The following SPIRE1 variants were observed in gnomAD, a reference collection of about 807,000 sequenced individuals.
The protein encoded by SPIRE1 is protein spire homolog 1.
A neutral mutation model predicts 94.1 loss-of-function variants in SPIRE1; 40 were observed. The ratio of observed to expected loss-of-function variants is 0.43; its 90% confidence interval spans 0.33 to 0.55. The LOEUF (loss-of-function observed/expected upper bound fraction) is 0.55, where lower values mean the gene tolerates loss of function less well. Among genes scored for constraint, SPIRE1 ranks in the 20% least tolerant of loss-of-function variants. The probability of loss-of-function intolerance (pLI) is 0.06; values close to 1 mark genes in which losing one functional copy is unlikely to be tolerated. For missense variants in SPIRE1, 838 were observed against 975.2 expected (o/e 0.86, Z 1.87); for synonymous variants, 376 against 371.7 (o/e 1.01, Z -0.13).
intron 2 of SPIRE1, among the ~76,000 whole-genome samples, chr18:12,566,261 G>A (rs1272330653): frequency 3.3e-5 from 5 of 152,074 alleles, no homozygotes; most frequent in Non-Finnish European, 5.9e-5. Context: ...GCTTGAACCC[G>A]GGAGGTGGAG....
chr18:12,633,213 T>C (rs1487037189), intron 2 of SPIRE1, among the ~76,000 whole-genome samples: 2 of 152,176 alleles, frequency 1.3e-5, no homozygotes, highest in Admixed American at 6.5e-5. Context: ...TGTTGAATAG[T>C]ATATCAAAAA....
At chr18:12,617,396 G>C (rs2037343134) in intron 2 of SPIRE1, among the ~76,000 whole-genome samples, 1 of 150,976 alleles carries the variant, frequency 6.6e-6, no homozygotes, top group Admixed American at 6.6e-5. Flanking sequence ...TTTGTTTTTT[G>C]TTTTAGTTGT....
At chr18:12,599,437 A>AT (rs1200832640) in intron 2 of SPIRE1, among the ~76,000 whole-genome samples, 1 of 151,976 alleles carries the variant, frequency 6.6e-6, no homozygotes, top group African/African-American at 2.4e-5. Flanking sequence ...ATTTAAAAAA[A>AT]TTTTTTTATA....
intron 2 of SPIRE1, among the ~76,000 whole-genome samples, chr18:12,603,731 C>A (rs528787829): frequency 6.6e-6 from 1 of 152,072 alleles, no homozygotes; most frequent in South Asian, 2.1e-4. Context: ...CCCGACACCA[C>A]GCCTGGCTAA....
intron 6 of SPIRE1, among the ~76,000 whole-genome samples, chr18:12,501,490 TCTCCTA>T (rs1449391684): frequency 6.6e-6 from 1 of 152,150 alleles, no homozygotes; most frequent in Non-Finnish European, 1.5e-5. Flanking sequence ...TTCAAGCAAT[TCTCCTA>T]CCTCAGCCTC....
intron 10 of SPIRE1, among the ~76,000 whole-genome samples, chr18:12,469,171 A>T (rs1214225846): frequency 6.6e-6 from 1 of 152,140 alleles, no homozygotes; most frequent in Admixed American, 6.6e-5. Context: ...AGGTGAATTT[A>T]AAGGTAACAT....
In SPIRE1 at chr18:12,450,175, C is replaced by T. The variant is rs569683909; in HGVS notation, c.2013-279G>A. Reference sequence around the variant, plus strand: ...AGATCACCTGAGGTCAGGAGTTTGGCGAAACCCAGTCTCTACTAAAAAAAA... The same window carrying T: ...AGATCACCTGAGGTCAGGAGTTTGGTGAAACCCAGTCTCTACTAAAAAAAA... On this transcript the variant is annotated intron_variant, in intron 16 of 16. Transcript: ENST00000409402. Among the ~76,000 whole-genome samples the T allele has an allele frequency of 2.1e-4, 31 of 146,076 alleles. No individual in the cohort carries two copies. The East Asian group carries it at 4.8e-3, about 23-fold the overall frequency.
At chr18:12,498,540 G>A (rs1387108626) in intron 6 of SPIRE1, among the ~76,000 whole-genome samples, 6 of 152,068 alleles carry the variant, frequency 3.9e-5, no homozygotes, top group Non-Finnish European at 2.9e-5. Context: ...GAGTCTGGGC[G>A]CCCGGCCCAA....
chr18:12,580,605 TG>T (rs1335307281), intron 2 of SPIRE1, among the ~76,000 whole-genome samples: 3 of 152,232 alleles, frequency 2.0e-5, no homozygotes, highest in Non-Finnish European at 2.9e-5. Context: ...ATTACAGGTG[TG>T]AGCCACTGTG....
At chr18:12,536,639 GT>G (rs1460018912) in intron 3 of SPIRE1, among the ~76,000 whole-genome samples, 2 of 152,136 alleles carry the variant, frequency 1.3e-5, no homozygotes, top group Non-Finnish European at 2.9e-5. Flanking sequence ...CAGCCCTAAT[GT>G]CCTTTACCAT....
chr18:12,470,551 A>G (rs2032314001), intron 10 of SPIRE1, among the ~76,000 whole-genome samples: 1 of 152,138 alleles, frequency 6.6e-6, no homozygotes, highest in African/African-American at 2.4e-5. Context: ...ATCTTGGGTA[A>G]CTTAGACACT....
At chr18:12,501,819 A>G (rs1219263445) in intron 6 of SPIRE1, among the ~76,000 whole-genome samples, 1 of 152,166 alleles carries the variant, frequency 6.6e-6, no homozygotes, top group African/African-American at 2.4e-5. Context: ...AGGAATTGCC[A>G]TATGTGGTGG....
At chr18:12,551,534 TACTAAAAATACAAAA>T (rs1185462986) in intron 2 of SPIRE1, among the ~76,000 whole-genome samples, 6 of 151,968 alleles carry the variant, frequency 3.9e-5, no homozygotes, top group Admixed American at 3.9e-4. Flanking sequence ...ACCCTGTGTC[TACTAAAAATACAAAA>T]ACAAAATTAG....
Position 12,510,938 on chromosome 18 carries a change from T to C in SPIRE1, c.807+1516A>G, listed in dbSNP as rs1424924148. On this transcript the variant is annotated intron_variant, in intron 5 of 16. Coordinates refer to ENST00000409402, the MANE Select transcript of SPIRE1 (RefSeq NM_001128626.2). ...AAGTTTTATATGACAGCAGGGATTT[T>C]TGGAGTCACTAGGATTTAGTACTAT... Among the ~76,000 whole-genome samples the C allele has an allele frequency of 2.0e-5, 3 of 152,178 alleles. No homozygotes were observed. The South Asian group carries it at 6.2e-4, about 32-fold the overall frequency.
chr18:12,452,491 G>C lies in SPIRE1; in HGVS notation c.1869C>G (p.Cys623Trp). The C allele has an allele frequency of 6.2e-7, 1 of 1,613,832 alleles. No individual in the cohort carries two copies. The highest frequency in any genetic ancestry group is 8.5e-7 in the Non-Finnish European group (1 of 1,180,006). Reference protein sequence around the residue: ...FCKRPVCSQCCKKMRLPSKPY... With the variant: ...FCKRPVCSQCWKKMRLPSKPY... ...TGAACCAAGCTTAGCTTACCTTTTT[G>C]CAACACTGTGAGCACACCGGCCTGT... Residue 623 changes from cysteine to tryptophan, a missense_variant, in exon 15 of 17, where the codon TGC (cysteine) becomes TGG (tryptophan). By Grantham distance (215) the Cys-to-Trp change is radical. Around this residue, in one of 2 missense-constraint regions of SPIRE1, gnomAD observed 645 missense variants for 804.7 expected, o/e 0.80. Coordinates refer to ENST00000409402, the MANE Select transcript of SPIRE1 (RefSeq NM_001128626.2).
At chr18:12,497,069 A>AAAC (rs998272558) in intron 6 of SPIRE1, among the ~76,000 whole-genome samples, 2 of 151,880 alleles carry the variant, frequency 1.3e-5, no homozygotes, top group African/African-American at 4.8e-5. Flanking sequence ...CTCTGTCGCA[A>AAAC]AACAACAACA....
Position 12,449,263 on chromosome 18 carries a change from C to T in SPIRE1, c.*375G>A, listed in dbSNP as rs1019314081. 1 of 238,972 alleles carries T rather than the reference C, an allele frequency of 4.2e-6. No individual in the cohort carries two copies. 14.8% of individuals were successfully genotyped at this position (238,972 alleles called of 1,614,324 possible). A position where few individuals can be genotyped will look rare whatever the true frequency, so the allele number is the denominator to read the frequency against. ...GACTTACTGCTTAGGGCTGTGCTGA[C>T]ATCGGCATCTCTGTTAGACTGATTC... On this transcript the variant is annotated 3_prime_UTR_variant, in exon 17 of 17. Coordinates refer to ENST00000409402, the MANE Select transcript of SPIRE1 (RefSeq NM_001128626.2).
chr18:12,448,504 G>A lies in SPIRE1; in HGVS notation c.*1134C>T, dbSNP rs542471480. The A allele has an allele frequency of 1.3e-5, 2 of 152,298 alleles. No homozygotes were observed. The highest frequency in any genetic ancestry group is 2.9e-5 in the Non-Finnish European group (2 of 68,020). 9.4% of individuals were successfully genotyped at this position (152,298 alleles called of 1,614,324 possible). A position where few individuals can be genotyped will look rare whatever the true frequency, so the allele number is the denominator to read the frequency against. Reference sequence around the variant, plus strand: ...CAATGCTACCCTCCAGTCTACTTTCGTCAGAAACCAAACCTACTCACTCAA... The same window carrying A: ...CAATGCTACCCTCCAGTCTACTTTCATCAGAAACCAAACCTACTCACTCAA... On this transcript the variant is annotated 3_prime_UTR_variant, in exon 17 of 17. Transcript: ENST00000409402. The surrounding 1 kb of genome is among the most constrained non-coding windows in gnomAD (Gnocchi z 4.4).
chr18:12,544,215 T>C (rs944855517), intron 3 of SPIRE1, among the ~76,000 whole-genome samples: 6 of 151,780 alleles, frequency 4.0e-5, no homozygotes, highest in African/African-American at 1.5e-4. Flanking sequence ...TTTTTCTTTT[T>C]TTGAGACAGA....
Sources: allele counts gnomAD v4.1 joint callset (sites outside exome capture counted in the v4.1 genomes callset), GRCh38; gene constraint gnomAD v4.1.1; regional missense constraint gnomAD v4.1.1; non-coding constraint Gnocchi (gnomAD v3.1); transcripts MANE v1.5; gene names NCBI Gene and HGNC (gene_info 2026-07-23, HGNC 2026-07-21).